Variants in DIAPH2 observed in about 807,000 individuals in gnomAD.
DIAPH2 encodes protein diaphanous homolog 2.
Under a neutral mutation model 92.7 loss-of-function variants are expected in DIAPH2, and 35 were observed. That is an observed-to-expected ratio of 0.38 (90% confidence interval 0.29 to 0.50). DIAPH2 has a LOEUF of 0.50. Ranked by LOEUF, DIAPH2 falls within the 20% of genes least tolerant of loss-of-function variation. The pLI, the probability that DIAPH2 is intolerant of heterozygous loss-of-function variation, is 0.94. For synonymous variants in DIAPH2, 301 were observed against 280.4 expected, an observed-to-expected ratio of 1.07 and a Z score of -0.73; for missense variants, 701 against 819.5, an observed-to-expected ratio of 0.86 and a Z score of 1.77.
At chrX:97,417,633 C>T (rs187204047) in intron 25 of DIAPH2, among the ~76,000 whole-genome samples, 91 of 111,195 alleles carry the variant, frequency 8.2e-4, no homozygotes, top group African/African-American at 2.9e-3. Context: ...AGAGATCGTG[C>T]CACTGCACTC....
intron 1 of DIAPH2, among the ~76,000 whole-genome samples, chrX:96,688,004 T>C (rs1469550106): frequency 8.9e-6 from 1 of 111,876 alleles, no homozygotes. Flanking sequence ...TGTAATTTGA[T>C]GTCAACCATG....
At chrX:96,767,280 A>G (rs2064310085) in intron 4 of DIAPH2, among the ~76,000 whole-genome samples, 1 of 111,052 alleles carries the variant, frequency 9.0e-6, no homozygotes. Context: ...TATCCACGAT[A>G]CAGACTCTAT....
chrX:97,194,476 G>A (rs1386666990), intron 22 of DIAPH2, among the ~76,000 whole-genome samples: 2 of 109,569 alleles, frequency 1.8e-5, no homozygotes, highest in East Asian at 2.9e-4. Context: ...AGTAGAGACG[G>A]GGTTTCACTG....
At chrX:96,836,879 T>C (rs549805683) in intron 4 of DIAPH2, among the ~76,000 whole-genome samples, 1,223 of 98,458 alleles carry the variant, frequency 0.012, 10 homozygotes, top group Middle Eastern at 0.041. Flanking sequence ...AGGCGCCCGC[T>C]ACCACGCCCG....
chrX:97,343,525 T>G (rs980765790), intron 23 of DIAPH2, among the ~76,000 whole-genome samples: 1 of 110,543 alleles, frequency 9.0e-6, no homozygotes, highest in African/African-American at 3.3e-5. Context: ...AAAAATTAGC[T>G]GGGCATGGTG....
intron 19 of DIAPH2, among the ~76,000 whole-genome samples, chrX:97,097,275 C>T (rs187339628): frequency 1.1e-4 from 12 of 112,037 alleles, no homozygotes; most frequent in African/African-American, 2.9e-4. Context: ...AGGTAGGTGA[C>T]TCATAAGAGC....
intron 26 of DIAPH2, among the ~76,000 whole-genome samples, chrX:97,484,267 A>G (rs2070672033): frequency 9.0e-6 from 1 of 111,725 alleles, no homozygotes; most frequent in Non-Finnish European, 1.9e-5. Context: ...ATCAACTGGA[A>G]TCTAATTCCG....
intron 26 of DIAPH2, among the ~76,000 whole-genome samples, chrX:97,500,339 A>G (rs945448153): frequency 4.4e-4 from 49 of 111,435 alleles, no homozygotes; most frequent in African/African-American, 1.4e-3. Flanking sequence ...GCTTAGACTC[A>G]AGAGAACTCG....
intron 26 of DIAPH2, among the ~76,000 whole-genome samples, chrX:97,476,722 G>A (rs1602615802): frequency 9.3e-6 from 1 of 107,610 alleles, no homozygotes; most frequent in East Asian, 2.9e-4. Flanking sequence ...CACTTTGGGA[G>A]GCCGAGGTAG....
At chrX:96,752,468 TTAGAAGAGA>T (rs1237743272) in intron 3 of DIAPH2, among the ~76,000 whole-genome samples, 3 of 112,327 alleles carry the variant, frequency 2.7e-5, no homozygotes, top group Non-Finnish European at 5.6e-5. Flanking sequence ...AGCTTCGAGT[TTAGAAGAGA>T]TAGATTTATC....
At chrX:97,079,761 A>C (rs1480774743) in intron 19 of DIAPH2, among the ~76,000 whole-genome samples, 1 of 111,340 alleles carries the variant, frequency 9.0e-6, no homozygotes, top group Non-Finnish European at 1.9e-5. Context: ...TAGAGAAATC[A>C]GAGCAAAAGG....
At chrX:96,906,428 G>A (rs1213029766) in intron 5 of DIAPH2, among the ~76,000 whole-genome samples, 1 of 112,382 alleles carries the variant, frequency 8.9e-6, no homozygotes, top group Non-Finnish European at 1.9e-5. Context: ...TTTTGGACTA[G>A]AAGATTCAAA....
intron 5 of DIAPH2, among the ~76,000 whole-genome samples, chrX:96,908,845 C>T (rs1465134943): frequency 1.8e-5 from 2 of 111,664 alleles, no homozygotes; most frequent in South Asian, 3.7e-4. Flanking sequence ...GTGATCCGCC[C>T]GCCTCGGCCT....
intron 5 of DIAPH2, among the ~76,000 whole-genome samples, chrX:96,882,061 T>A (rs2065216600): frequency 9.1e-6 from 1 of 110,396 alleles, no homozygotes; most frequent in South Asian, 3.9e-4. Context: ...ATTCTTTTTT[T>A]TTTTTGTGAG....
At chrX:96,821,144 A>G (rs776974223) in intron 4 of DIAPH2, among the ~76,000 whole-genome samples, 1 of 111,755 alleles carries the variant, frequency 8.9e-6, no homozygotes, top group Non-Finnish European at 1.9e-5. Flanking sequence ...TACTTATGTT[A>G]ACTGAACTAA....
At chrX:97,531,067 G>A (rs1044491940) in intron 26 of DIAPH2, among the ~76,000 whole-genome samples, 5 of 110,895 alleles carry the variant, frequency 4.5e-5, no homozygotes, top group Non-Finnish European at 7.6e-5. Flanking sequence ...AAACATGAAA[G>A]GTATGATGGG....
chrX:96,698,305 A>T (rs886439724), intron 1 of DIAPH2, among the ~76,000 whole-genome samples: 1 of 111,745 alleles, frequency 8.9e-6, no homozygotes, highest in African/African-American at 3.3e-5. Flanking sequence ...AATTAATGCT[A>T]TCTCCTGTTA....
intron 22 of DIAPH2, among the ~76,000 whole-genome samples, chrX:97,164,402 C>T (rs2067396751): frequency 9.0e-6 from 1 of 111,455 alleles, no homozygotes; most frequent in African/African-American, 3.3e-5. Flanking sequence ...TTATCTTTCC[C>T]CCAATCTTTA....
chrX:96,724,561 G>T (rs1471575036), intron 1 of DIAPH2, among the ~76,000 whole-genome samples: 1 of 111,489 alleles, frequency 9.0e-6, no homozygotes, highest in Non-Finnish European at 1.9e-5. Context: ...TGGTTTTCAG[G>T]AGCCCCTATG....
Sources: gnomAD v4.1 joint callset for allele counts (sites outside exome capture counted in the v4.1 genomes callset) on GRCh38, gnomAD v4.1.1 for gene constraint, MANE v1.5 for transcripts, NCBI Gene and HGNC (gene_info 2026-07-23, HGNC 2026-07-21) for gene names.